Variants in FCHSD2 observed in about 807,000 individuals in gnomAD.
FCHSD2 encodes F-BAR and double SH3 domains protein 2.
A neutral mutation model predicts 108.1 loss-of-function variants in FCHSD2; 38 were observed. That is an observed-to-expected ratio of 0.35 (90% CI 0.27 to 0.46). FCHSD2 has a LOEUF of 0.46. FCHSD2 is among the 20% of genes least tolerant of loss of function. FCHSD2 has a pLI of 1.00. For missense variants in FCHSD2, 751 were observed against 897.8 expected, an observed-to-expected ratio of 0.84 and a Z score of 2.09; for synonymous variants, 279 against 314.7, an observed-to-expected ratio of 0.89 and a Z score of 1.20.
intron 10 of FCHSD2, among the ~76,000 whole-genome samples, chr11:72,897,597 T>A (rs747232164): frequency 2.6e-5 from 4 of 152,186 alleles, no homozygotes; most frequent in African/African-American, 4.8e-5. Flanking sequence ...AAGGGACAAC[T>A]GTTGTCATTT....
intron 3 of FCHSD2, among the ~76,000 whole-genome samples, chr11:73,033,424 T>C (rs1320575482): frequency 6.6e-6 from 1 of 152,098 alleles, no homozygotes; most frequent in East Asian, 1.9e-4. Context: ...CAAAGAATTT[T>C]AGAATTATGA....
Position 72,867,955 on chromosome 11 carries a change from T to C in FCHSD2, c.1218A>G (p.Leu406=), listed in dbSNP as rs558177096. 18 of 1,597,584 alleles carry C rather than the reference T, an allele frequency of 1.1e-5. No individual in the cohort carries two copies. Among genetic ancestry groups the C allele is most frequent in the Admixed American group, 8.9e-5 (5 of 56,470 alleles). ...CCATTACTTGGTTCATGGCACTCTT[T>C]AGCCATGTGTCCACAGAAACACCAA... The part of the protein sequence containing the change: ...KQIGVSVDTW[L]KSAMNQVMEE... Residue 406 remains leucine, a synonymous_variant, in exon 13 of 20, where the codon CTA becomes CTG. Transcript: ENST00000409418.
chr11:72,904,782 C>A (rs1260527564), intron 9 of FCHSD2, among the ~76,000 whole-genome samples: 1 of 152,204 alleles, frequency 6.6e-6, no homozygotes, highest in Non-Finnish European at 1.5e-5. Context: ...TTTTCATATA[C>A]TAGTTTCTTC....
At chr11:72,867,642 T>C (rs1279789437) in intron 13 of FCHSD2, among the ~76,000 whole-genome samples, 7 of 152,186 alleles carry the variant, frequency 4.6e-5, no homozygotes, top group African/African-American at 1.4e-4. Context: ...CAAATAGTGA[T>C]AACATATTCT....
intron 2 of FCHSD2, among the ~76,000 whole-genome samples, chr11:73,138,900 G>A (rs569670246): frequency 6.6e-4 from 100 of 152,242 alleles, no homozygotes; most frequent in African/African-American, 2.2e-3. Context: ...CAGTGACTGC[G>A]CACGGCCTCG....
At chr11:72,908,494 C>T (rs1381794945) in intron 9 of FCHSD2, among the ~76,000 whole-genome samples, 1 of 152,156 alleles carries the variant, frequency 6.6e-6, no homozygotes, top group Admixed American at 6.5e-5. Flanking sequence ...TTTACATTCC[C>T]AGCAACAGTA....
chr11:72,869,820 C>T, intron 12 of FCHSD2, among the ~76,000 whole-genome samples: 1 of 152,130 alleles, frequency 6.6e-6, no homozygotes, highest in East Asian at 1.9e-4. Context: ...ATTTCCTGGA[C>T]TTTTTCTCCT....
chr11:73,055,488 AGAAATAAGACAAAGTTT>A (rs1859004098), intron 3 of FCHSD2, among the ~76,000 whole-genome samples: 2 of 152,240 alleles, frequency 1.3e-5, no homozygotes, highest in Non-Finnish European at 2.9e-5. Context: ...AAATCTGATA[AGAAATAAGACAAAGTTT>A]TAAACCTTGA....
intron 2 of FCHSD2, among the ~76,000 whole-genome samples, chr11:73,126,575 G>A: frequency 6.6e-6 from 1 of 151,832 alleles, no homozygotes; most frequent in Non-Finnish European, 1.5e-5. Flanking sequence ...AGCCAAAAAT[G>A]GCATTTTAGC....
At chr11:72,898,578 T>C (rs1015846258) in intron 10 of FCHSD2, among the ~76,000 whole-genome samples, 1 of 152,206 alleles carries the variant, frequency 6.6e-6, no homozygotes, top group African/African-American at 2.4e-5. Context: ...TACCATCATA[T>C]ATAAAACTCA....
rs148700453 is a variant in FCHSD2 at position 72,983,482 on chromosome 11, TA to T, written c.705+605del. 9.1e-3 allele frequency among the ~76,000 whole-genome samples: 1,380 copies of T among 151,886 alleles called. 22 individuals are homozygous for T. The highest frequency in any genetic ancestry group is 0.03 in the African/African-American group (1,256 of 41,410). Reference sequence around the variant, plus strand: ...GACCTTGTCTCTAAAAAATTAAAATTAAAAAAAGCTTCATAATTATCATTAG... The same window carrying T: ...GACCTTGTCTCTAAAAAATTAAAATTAAAAAAGCTTCATAATTATCATTAG... On this transcript the variant is annotated intron_variant, in intron 8 of 19. Coordinates refer to ENST00000409418, the MANE Select transcript of FCHSD2 (RefSeq NM_014824.3).
intron 3 of FCHSD2, among the ~76,000 whole-genome samples, chr11:73,021,968 T>G (rs1487226287): frequency 6.6e-6 from 1 of 151,644 alleles, no homozygotes; most frequent in Non-Finnish European, 1.5e-5. Flanking sequence ...GCTACTTTTG[T>G]GTATGGCAGG....
chr11:73,136,579 T>A (rs1861125819), intron 2 of FCHSD2, among the ~76,000 whole-genome samples: 1 of 152,140 alleles, frequency 6.6e-6, no homozygotes, highest in African/African-American at 2.4e-5. Flanking sequence ...TATCTACTAC[T>A]AATTTCTTTA....
chr11:73,083,699 G>A lies in FCHSD2; in HGVS notation c.161C>T (p.Ala54Val). ...GACCTCCAATTTCAAGCTTACCTGT[G>A]CATACTCTCTTTCAATAGCAGCCTT... ...QKKAAIEREY[A>V]QGMQKLASQY... Residue 54 changes from alanine (A) to valine (V), a missense_variant, in exon 3 of 20, where the codon GCA (alanine) becomes GTA (valine). Transcript: ENST00000409418. The A allele has an allele frequency of 6.5e-7, 1 of 1,543,858 alleles. No homozygotes were observed. The highest frequency in any genetic ancestry group is 8.8e-7 in the Non-Finnish European group (1 of 1,139,730).
At chr11:73,088,836 T>C (rs1195978774) in intron 2 of FCHSD2, among the ~76,000 whole-genome samples, 1 of 152,174 alleles carries the variant, frequency 6.6e-6, no homozygotes, top group Non-Finnish European at 1.5e-5. Context: ...GAAGGTTGGA[T>C]TTTTTTATAT....
chr11:72,862,737 T>C (rs1317362117), intron 13 of FCHSD2, among the ~76,000 whole-genome samples: 2 of 152,180 alleles, frequency 1.3e-5, no homozygotes, highest in Admixed American at 6.5e-5. Context: ...TTTAAATTCA[T>C]ATGGACATGC....
At chr11:73,139,404 A>G (rs1217691634) in intron 2 of FCHSD2, among the ~76,000 whole-genome samples, 1 of 152,262 alleles carries the variant, frequency 6.6e-6, no homozygotes, top group African/African-American at 2.4e-5. Context: ...AGATTGTTAA[A>G]TAAGTGGTAT....
Position 72,840,979 on chromosome 11 carries a change from A to G in FCHSD2, c.2057-20T>C, listed in dbSNP as rs763589419. On this transcript the variant is annotated intron_variant, in intron 18 of 19. Coordinates refer to ENST00000409418, the MANE Select transcript of FCHSD2 (RefSeq NM_014824.3). ...TTTTTTCTAAGGGAGAAAACCAAAG[A>G]AGCTCATTTTACTTGAGTTGTTGAG... 1.3e-6 allele frequency: 2 copies of G among 1,589,822 alleles called. No homozygotes were observed.
intron 18 of FCHSD2, 103 bp downstream of exon 18, chr11:72,841,340 CAAAAAAAAAAA>C (rs59748827): frequency 2.2e-5 from 8 of 371,388 alleles, no homozygotes; most frequent in South Asian, 2.3e-5. Flanking sequence ...ACTCTGTCTC[CAAAAAAAAAAA>C]AAAAAAAAAA....
Sources: gnomAD v4.1 joint callset for allele counts (sites outside exome capture counted in the v4.1 genomes callset) on GRCh38, gnomAD v4.1.1 for gene constraint, MANE v1.5 for transcripts, NCBI Gene and HGNC (gene_info 2026-07-23, HGNC 2026-07-21) for gene names.